The following ZNF257 variants were observed in gnomAD, a reference collection of about 807,000 sequenced individuals.
The protein encoded by ZNF257 is zinc finger protein 257.
Under a neutral mutation model 11.9 loss-of-function variants are expected in ZNF257, and 12 were observed. That is an observed-to-expected ratio of 1.01 (90% CI 0.65 to 1.63). The LOEUF (loss-of-function observed/expected upper bound fraction) is 1.63. Among genes scored for constraint, ZNF257 ranks in the 40% most tolerant of loss-of-function variants. ZNF257 has a pLI of 0.00. For missense variants in ZNF257, 580 were observed against 665.5 expected (o/e 0.87, Z 1.41); for synonymous variants, 183 against 222.7 (o/e 0.82, Z 1.59).
At chr19:22,084,331 CT>C (rs2022426011) in intron 3 of ZNF257, among the ~76,000 whole-genome samples, 1 of 151,896 alleles carries the variant, frequency 6.6e-6, no homozygotes. Context: ...GTGTTGCATT[CT>C]ATTTGATTTG....
intron 1 of ZNF257, among the ~76,000 whole-genome samples, chr19:22,064,704 A>G (rs545584557): frequency 1.3e-5 from 2 of 152,314 alleles, no homozygotes; most frequent in East Asian, 3.9e-4. Flanking sequence ...TTATTACTTC[A>G]GAACAATTAG....
intron 1 of ZNF257, among the ~76,000 whole-genome samples, chr19:22,053,916 A>C (rs1218580955): frequency 6.6e-6 from 1 of 151,712 alleles, no homozygotes; most frequent in East Asian, 2.0e-4. Context: ...CAAGAGTGAA[A>C]CTCCATCTCA....
chr19:22,089,626 A>T lies in ZNF257; in HGVS notation c.*184A>T. 7.1e-7 allele frequency: 1 copy of T among 1,402,210 alleles called. No individual in the cohort carries two copies. Among genetic ancestry groups the T allele is most frequent in the East Asian group, 2.6e-5 (1 of 38,498 alleles). 86.9% of individuals were successfully genotyped at this position (1,402,210 alleles called of 1,614,324 possible). ...ATTCATGCTGGAGAGAAACTCTTGA[A>T]ATGTGATGAATGTGGCATAGCCTCT... On this transcript the variant is annotated 3_prime_UTR_variant, in exon 4 of 4. Transcript: ENST00000594947.
At chr19:22,057,927 A>T (rs1356716767) in intron 1 of ZNF257, among the ~76,000 whole-genome samples, 1 of 152,092 alleles carries the variant, frequency 6.6e-6, no homozygotes, top group African/African-American at 2.4e-5. Context: ...GTCTGGCTAA[A>T]TTTTTTGTAT....
chr19:22,072,081 G>A (rs557969049), intron 1 of ZNF257, among the ~76,000 whole-genome samples: 14 of 152,076 alleles, frequency 9.2e-5, no homozygotes, highest in African/African-American at 3.4e-4. Context: ...TTCGGACTAC[G>A]ATTTACTTCT....
intron 3 of ZNF257, chr19:22,087,688 T>A (rs1261188353): frequency 1.3e-6 from 1 of 743,006 alleles, no homozygotes; most frequent in Non-Finnish European, 1.9e-6. Context: ...GAGAAGGAAG[T>A]ACTGTGTTGG....
At chr19:22,067,064 C>T (rs561291952) in intron 1 of ZNF257, among the ~76,000 whole-genome samples, 12 of 151,950 alleles carry the variant, frequency 7.9e-5, no homozygotes, top group African/African-American at 2.4e-4. Flanking sequence ...GGGACTTTCC[C>T]TCTCAGGCTT....
chr19:22,072,996 T>TA lies in ZNF257; in HGVS notation c.130+61_130+62insA, dbSNP rs1555759450. The TA allele has an allele frequency of 5.0e-4, 709 of 1,423,290 alleles. 5 individuals carry two copies. The African/African-American group carries it at 0.01, about 21-fold the overall frequency. 88.2% of individuals were successfully genotyped at this position (1,423,290 alleles called of 1,614,324 possible). A position where few individuals can be genotyped will look rare whatever the true frequency, so the allele number is the denominator to read the frequency against. On this transcript the variant is annotated intron_variant, in intron 2 of 3. Coordinates refer to ENST00000594947, the MANE Select transcript of ZNF257 (RefSeq NM_033468.4). ...TCCAAAGGCTTTATTTTTTATTTAT[T>TA]TTTTTTTTTGTAGAATGTTTTTTGG...
intron 3 of ZNF257, among the ~76,000 whole-genome samples, chr19:22,073,787 C>G (rs2145704095): frequency 6.6e-6 from 1 of 152,084 alleles, no homozygotes; most frequent in East Asian, 1.9e-4. Flanking sequence ...CAGTCATTTT[C>G]CTTCAAGTTT....
chr19:22,086,800 C>T (rs948796579), intron 3 of ZNF257, among the ~76,000 whole-genome samples: 3 of 151,932 alleles, frequency 2.0e-5, no homozygotes, highest in Non-Finnish European at 4.4e-5. Flanking sequence ...TAGTGTGTAA[C>T]TCTATGCCAA....
chr19:22,077,613 G>A (rs2022257189), intron 3 of ZNF257, among the ~76,000 whole-genome samples: 1 of 151,972 alleles, frequency 6.6e-6, no homozygotes, highest in Non-Finnish European at 1.5e-5. Context: ...GATTTTATGA[G>A]GCTGAATAAT....
chr19:22,067,904 A>T (rs1046173763), intron 1 of ZNF257, among the ~76,000 whole-genome samples: 1 of 149,566 alleles, frequency 6.7e-6, no homozygotes, highest in Non-Finnish European at 1.5e-5. Flanking sequence ...CTATGTATTC[A>T]TCTCCTGAAA....
intron 3 of ZNF257, among the ~76,000 whole-genome samples, chr19:22,084,433 ATTGT>A (rs973301324): frequency 4.1e-5 from 6 of 147,914 alleles, no homozygotes; most frequent in Admixed American, 2.7e-4. Flanking sequence ...TGCCTCCAAC[ATTGT>A]TTCTTTTTTT....
intron 1 of ZNF257, among the ~76,000 whole-genome samples, chr19:22,064,890 C>G (rs1417776230): frequency 6.6e-6 from 1 of 151,918 alleles, no homozygotes; most frequent in Non-Finnish European, 1.5e-5. Flanking sequence ...CCCGTTTCTA[C>G]TAAAAATACA....
At chr19:22,053,415 G>T (rs954635233) in intron 1 of ZNF257, among the ~76,000 whole-genome samples, 2 of 150,622 alleles carry the variant, frequency 1.3e-5, no homozygotes, top group African/African-American at 4.9e-5. Context: ...CCCAGCTATG[G>T]TTTGTCATTT....
intron 1 of ZNF257, among the ~76,000 whole-genome samples, chr19:22,071,936 GA>G (rs776739713): frequency 3.3e-5 from 5 of 151,422 alleles, no homozygotes; most frequent in Non-Finnish European, 7.4e-5. Context: ...AGAAAGTCCT[GA>G]AAAAAAATGA....
At chr19:22,076,014 G>A (rs2022215909) in intron 3 of ZNF257, 1 of 151,326 alleles carries the variant, frequency 6.6e-6, no homozygotes, top group African/African-American at 2.4e-5. Context: ...TATTTCAAAT[G>A]TGCCTGTAAT....
intron 3 of ZNF257, among the ~76,000 whole-genome samples, chr19:22,087,773 T>TATAAAGA (rs2022508414): frequency 2.0e-5 from 3 of 152,226 alleles, no homozygotes; most frequent in African/African-American, 7.2e-5. Flanking sequence ...TTTACACACT[T>TATAAAGA]AACTCATTTA....
At chr19:22,073,588 C>A (rs991246217) in intron 3 of ZNF257, 24 bp downstream of exon 3, 1 of 1,600,216 alleles carries the variant, frequency 6.2e-7, no homozygotes, top group Non-Finnish European at 8.5e-7. Flanking sequence ...AAAGCCAGTA[C>A]AACAGGTGAA....
Sources: allele counts gnomAD v4.1 joint callset (sites outside exome capture counted in the v4.1 genomes callset), GRCh38; gene constraint gnomAD v4.1.1; transcripts MANE v1.5; gene names NCBI Gene and HGNC (gene_info 2026-07-23, HGNC 2026-07-21).